PHKA2: variants seen among roughly 807,000 people sequenced by gnomAD.
The protein encoded by PHKA2 is phosphorylase kinase regulatory subunit alpha 2, also known as phosphorylase b kinase regulatory subunit alpha, liver isoform.
Under a neutral mutation model 102.0 loss-of-function variants are expected in PHKA2, and 31 were observed. That is an observed-to-expected ratio of 0.30 (90% CI 0.23 to 0.41). The LOEUF (loss-of-function observed/expected upper bound fraction) is 0.41. Ranked by LOEUF, PHKA2 falls within the 10% of genes least tolerant of loss-of-function variation. PHKA2 has a pLI of 1.00. For missense variants in PHKA2, 858 were observed against 1,023.1 expected (o/e 0.84, Z 2.20); for synonymous variants, 455 against 416.2 (o/e 1.09, Z -1.13).
At chrX:18,945,245 G>T in intron 5 of PHKA2, 87 bp from the exon 6 acceptor site, 2 of 573,005 alleles carry the variant, frequency 3.5e-6, no homozygotes, top group African/African-American at 2.2e-5. Flanking sequence ...TGTTCCTGCA[G>T]CCACACTGAA....
chrX:18,910,000 T>C (rs767398693), intron 20 of PHKA2, among the ~76,000 whole-genome samples: 5 of 112,395 alleles, frequency 4.4e-5, no homozygotes, highest in Non-Finnish European at 9.4e-5. Flanking sequence ...AGGCACTGAG[T>C]GTGCCACTGA....
At chrX:18,975,967 C>CTTTTTTTTTTT (rs200764030) in intron 1 of PHKA2, among the ~76,000 whole-genome samples, 1 of 63,021 alleles carries the variant, frequency 1.6e-5, no homozygotes. Flanking sequence ...AAGTCAAATT[C>CTTTTTTTTTTT]TTTTTTTTTT....
intron 30 of PHKA2, among the ~76,000 whole-genome samples, 165 bp downstream of exon 30, chrX:18,896,998 G>A (rs889074662): frequency 2.7e-5 from 3 of 111,865 alleles, no homozygotes; most frequent in African/African-American, 6.5e-5. Context: ...ATCCTACCAC[G>A]CACAGGCCCC....
chrX:18,922,784 C>T (rs986532306), intron 17 of PHKA2, among the ~76,000 whole-genome samples: 1 of 110,176 alleles, frequency 9.1e-6, no homozygotes, highest in African/African-American at 3.3e-5. Context: ...ATTGGTTGCA[C>T]AACAATGTGA....
intron 1 of PHKA2, among the ~76,000 whole-genome samples, chrX:18,978,594 T>C (rs759288684): frequency 1.0e-4 from 11 of 110,458 alleles, no homozygotes; most frequent in African/African-American, 3.0e-4. Flanking sequence ...ATGCCTGTAG[T>C]CCCAGCTACT....
chrX:18,905,367 G>A (rs2047789852), intron 26 of PHKA2, among the ~76,000 whole-genome samples: 1 of 111,404 alleles, frequency 9.0e-6, no homozygotes, highest in Non-Finnish European at 1.9e-5. Flanking sequence ...AGTAGTGACG[G>A]GGTTTCACCA....
chrX:18,895,286 G>T, intron 30 of PHKA2, 95 bp from the exon 31 acceptor site: 1 of 817,876 alleles, frequency 1.2e-6, no homozygotes, highest in South Asian at 2.0e-5. Context: ...AGCACCCTCT[G>T]CCCTGGAAAC....
At chrX:18,971,133 G>A (rs2148030779) in intron 1 of PHKA2, among the ~76,000 whole-genome samples, 1 of 112,487 alleles carries the variant, frequency 8.9e-6, no homozygotes, top group African/African-American at 3.2e-5. Flanking sequence ...TTTAGCCAAA[G>A]AAATTTGGGT....
chrX:18,984,089 C>A lies in PHKA2; in HGVS notation c.-157G>T, dbSNP rs1368340501. 2.6e-5 allele frequency: 13 copies of A among 491,846 alleles called. No individual in the cohort carries two copies. The African/African-American group carries it at 2.8e-4, about 11-fold the overall frequency. 40.5% of individuals were successfully genotyped at this position (491,846 alleles called of 1,213,427 possible). On this transcript the variant is annotated 5_prime_UTR_variant, in exon 1 of 33. Coordinates refer to ENST00000379942, the MANE Select transcript of PHKA2 (RefSeq NM_000292.3). ...GAGGAGGTCGAGACTTTTCTAAACG[C>A]TAGCCCCAAAGTCCGGTTGGAAAGC...
chrX:18,907,609 G>A (rs1287861428), intron 22 of PHKA2, among the ~76,000 whole-genome samples: 3 of 111,423 alleles, frequency 2.7e-5, no homozygotes, highest in Non-Finnish European at 5.7e-5. Flanking sequence ...GTGGATGTGT[G>A]AAAAAAAGAG....
At chrX:18,900,004 C>T (rs773106259) in intron 28 of PHKA2, among the ~76,000 whole-genome samples, 52 of 111,120 alleles carry the variant, frequency 4.7e-4, no homozygotes, top group Non-Finnish European at 7.0e-4. Flanking sequence ...CATCGGGATG[C>T]GGGGACAGAG....
At chrX:18,896,302 A>G (rs2094980379) in intron 30 of PHKA2, 1 of 111,880 alleles carries the variant, frequency 8.9e-6, no homozygotes, top group African/African-American at 3.2e-5. Flanking sequence ...CTGATGCAGA[A>G]GGGAGACACT....
chrX:18,940,011 T>A lies in PHKA2; in HGVS notation c.902A>T (p.Tyr301Phe). ...AAATACAACCTCTCTTGGAGTTTTA[T>A]AACCATCTCGAAGGAAGCGACAGCA... Reference protein sequence around the residue: ...YGCCRFLRDGYKTPREDPNRL... With the variant: ...YGCCRFLRDGFKTPREDPNRL... The change falls in exon 9 of 33, where the codon TAT (tyrosine) becomes TTT (phenylalanine). Residue 301 changes from tyrosine (Y) to phenylalanine (F), a missense_variant. By Grantham distance (22) the Tyr-to-Phe change is conservative (BLOSUM62 3). Around this residue, in one of 2 missense-constraint regions of PHKA2, gnomAD observed 187 missense variants for 277.9 expected, o/e 0.67. Transcript: ENST00000379942. The A allele has an allele frequency of 8.4e-7, 1 of 1,183,974 alleles. No homozygotes were observed. The highest frequency in any genetic ancestry group is 1.1e-6 in the Non-Finnish European group (1 of 870,041).
chrX:18,929,053 T>A, intron 13 of PHKA2, among the ~76,000 whole-genome samples, 175 bp downstream of exon 13: 1 of 112,872 alleles, frequency 8.9e-6, no homozygotes, highest in Middle Eastern at 4.2e-3. Context: ...TGGGAAGAAT[T>A]CTGTTGCCTT....
intron 11 of PHKA2, 58 bp downstream of exon 11, chrX:18,935,997 G>A (rs2048387723): frequency 1.4e-5 from 11 of 760,378 alleles, no homozygotes; most frequent in Non-Finnish European, 2.2e-5. Context: ...AACAGGCCAA[G>A]CAATGAGTCA....
intron 19 of PHKA2, among the ~76,000 whole-genome samples, chrX:18,914,808 A>G (rs754498542): frequency 5.5e-4 from 62 of 112,045 alleles, no homozygotes; most frequent in Non-Finnish European, 1.0e-3. Flanking sequence ...AGGAGATTGT[A>G]GAGTATCTCT....
intron 1 of PHKA2, among the ~76,000 whole-genome samples, chrX:18,976,849 T>A (rs1358011610): frequency 8.9e-6 from 1 of 111,744 alleles, no homozygotes; most frequent in Non-Finnish European, 1.9e-5. Flanking sequence ...TATTTACTAG[T>A]CTTTTCAAAA....
chrX:18,974,941 C>T (rs748779546), intron 1 of PHKA2, among the ~76,000 whole-genome samples: 1 of 110,659 alleles, frequency 9.0e-6, no homozygotes, highest in Non-Finnish European at 1.9e-5. Context: ...CTGGATCTCT[C>T]CACTTTTGGG....
At chrX:18,895,449 A>T (rs1191916838) in intron 30 of PHKA2, 1 of 401,725 alleles carries the variant, frequency 2.5e-6, no homozygotes, top group Non-Finnish European at 4.4e-6. Flanking sequence ...GGGGCTGCCG[A>T]GTCCTCCCGG....
Sources: allele counts gnomAD v4.1 joint callset (sites outside exome capture counted in the v4.1 genomes callset), GRCh38; gene constraint gnomAD v4.1.1; regional missense constraint gnomAD v4.1.1; transcripts MANE v1.5; gene names NCBI Gene and HGNC (gene_info 2026-07-23, HGNC 2026-07-21).